The following MANBAL variants were observed in gnomAD, a reference collection of about 807,000 sequenced individuals.
The protein encoded by MANBAL is protein MANBAL.
Under a neutral mutation model 6.4 loss-of-function variants are expected in MANBAL, and 1 was observed. That is an observed-to-expected ratio of 0.16 (90% CI 0.06 to 0.74). The LOEUF (loss-of-function observed/expected upper bound fraction) is 0.74. Ranked by LOEUF, MANBAL falls within the 30% of genes least tolerant of loss-of-function variation. MANBAL has a pLI of 0.78. For missense variants in MANBAL, 100 were observed against 107.8 expected (o/e 0.93, Z 0.32); for synonymous variants, 47 against 45.8 (o/e 1.03, Z -0.10).
At chr20:37,310,272 C>T (rs949257899) in intron 2 of MANBAL, among the ~76,000 whole-genome samples, 16 of 152,248 alleles carry the variant, frequency 1.1e-4, no homozygotes, top group African/African-American at 3.9e-4. Context: ...CTCAAGGCCA[C>T]TGCTAGTTTC....
At chr20:37,307,096 G>A (rs1051682137) in intron 2 of MANBAL, among the ~76,000 whole-genome samples, 2 of 152,016 alleles carry the variant, frequency 1.3e-5, no homozygotes, top group African/African-American at 4.8e-5. Context: ...TCAGTAGCTG[G>A]GACTACAGGT....
intron 2 of MANBAL, among the ~76,000 whole-genome samples, chr20:37,308,354 T>A (rs534827507): frequency 6.6e-6 from 1 of 151,998 alleles, no homozygotes; most frequent in African/African-American, 2.4e-5. Context: ...ACCAGGAGAG[T>A]GTGGCCTCCC....
chr20:37,293,211 C>T (rs988803446), intron 1 of MANBAL, among the ~76,000 whole-genome samples: 1 of 152,116 alleles, frequency 6.6e-6, no homozygotes, highest in Non-Finnish European at 1.5e-5. Flanking sequence ...ATTTCTGTTA[C>T]TATTACATTG....
rs368166811 is a variant in MANBAL at position 37,316,319 on chromosome 20, G to A, written c.162G>A (p.Pro54=). Residue 54 remains proline (P), a synonymous_variant, in exon 3 of 3, where the codon CCG becomes CCA. Coordinates refer to ENST00000373606, the MANE Select transcript of MANBAL (RefSeq NM_001003897.2). ...IPKSHEAEAE[P]SEPRSAEVTR... ...TTATCACCTCACAGGAGGCTGAACC[G>A]TCTGAGCCCAGAAGTGCTGAGGTGA... is the stretch of plus-strand genomic sequence containing the variant. 4.8e-5 allele frequency: 77 copies of A among 1,613,428 alleles called. No individual in the cohort carries two copies. The African/African-American group carries it at 7.5e-4, about 16-fold the overall frequency.
At chr20:37,311,821 G>A (rs1433900434) in intron 2 of MANBAL, among the ~76,000 whole-genome samples, 3 of 152,150 alleles carry the variant, frequency 2.0e-5, no homozygotes, top group Admixed American at 6.5e-5. Flanking sequence ...GACTCTGAAA[G>A]GAACGTAAAG....
intron 1 of MANBAL, among the ~76,000 whole-genome samples, chr20:37,292,749 A>G (rs778786611): frequency 9.2e-5 from 14 of 151,918 alleles, no homozygotes; most frequent in Admixed American, 4.6e-4. Flanking sequence ...ATCCCCCTCT[A>G]TATGTTTTGC....
intron 1 of MANBAL, among the ~76,000 whole-genome samples, chr20:37,294,777 A>G (rs2068955087): frequency 6.6e-6 from 1 of 152,114 alleles, no homozygotes; most frequent in African/African-American, 2.4e-5. Flanking sequence ...TTGCATGTGT[A>G]TGTGTGTATG....
At chr20:37,297,300 A>G (rs549264818) in intron 1 of MANBAL, 1 of 152,308 alleles carries the variant, frequency 6.6e-6, no homozygotes, top group South Asian at 2.1e-4. Context: ...GCTCAGTGCC[A>G]CCTGATTCAC....
chr20:37,300,005 G>T (rs368108778), intron 1 of MANBAL, among the ~76,000 whole-genome samples: 1 of 152,114 alleles, frequency 6.6e-6, no homozygotes, highest in Non-Finnish European at 1.5e-5. Context: ...TGTCATTCAC[G>T]CCATCAGCAG....
intron 1 of MANBAL, among the ~76,000 whole-genome samples, chr20:37,295,424 A>G (rs1400856466): frequency 1.3e-5 from 2 of 152,256 alleles, no homozygotes; most frequent in African/African-American, 4.8e-5. Context: ...GCTTCAGGAT[A>G]TAATACCGGC....
intron 2 of MANBAL, among the ~76,000 whole-genome samples, chr20:37,310,264 C>A (rs2146825800): frequency 6.6e-6 from 1 of 152,368 alleles, no homozygotes; most frequent in South Asian, 2.1e-4. Flanking sequence ...TATCTTTCCT[C>A]AAGGCCACTG....
At chr20:37,293,717 A>G (rs922347523) in intron 1 of MANBAL, among the ~76,000 whole-genome samples, 12 of 152,118 alleles carry the variant, frequency 7.9e-5, no homozygotes, top group Non-Finnish European at 1.6e-4. Flanking sequence ...GCATACATGT[A>G]TGGTGGTTTT....
intron 2 of MANBAL, among the ~76,000 whole-genome samples, chr20:37,308,200 G>C (rs1403865826): frequency 6.6e-6 from 1 of 152,146 alleles, no homozygotes; most frequent in Non-Finnish European, 1.5e-5. Context: ...GCTGTGGCCA[G>C]TGGAGGGGAG....
rs542459955 is a variant in MANBAL, at chr20:37,305,757, G to A, written c.150+4344G>A. 1.1e-4 allele frequency among the ~76,000 whole-genome samples: 16 copies of A among 150,186 alleles called. 1 individual carries two copies. The highest frequency in any genetic ancestry group is 3.9e-4 in the African/African-American group (16 of 40,706). ...ACTGTTGATCTAACTTTTTACTGGC[G>A]CATCAGGGGAGCAAATGGCCCCAGG... On this transcript the variant is annotated intron_variant, in intron 2 of 2. Transcript: ENST00000373606.
At chr20:37,294,597 C>G (rs372043631) in intron 1 of MANBAL, among the ~76,000 whole-genome samples, 123 of 152,228 alleles carry the variant, frequency 8.1e-4, no homozygotes, top group Non-Finnish European at 1.5e-3. Flanking sequence ...CCTTGCCGTC[C>G]CTCCATCCTG....
chr20:37,292,897 C>T (rs950970405), intron 1 of MANBAL, among the ~76,000 whole-genome samples: 1 of 152,220 alleles, frequency 6.6e-6, no homozygotes, highest in African/African-American at 2.4e-5. Flanking sequence ...AAGATCTGGG[C>T]TCTAGGTATG....
intron 1 of MANBAL, among the ~76,000 whole-genome samples, chr20:37,298,277 G>T (rs2074332814): frequency 6.6e-6 from 1 of 152,176 alleles, no homozygotes; most frequent in Non-Finnish European, 1.5e-5. Context: ...TTTAACCATT[G>T]TTAAGTTTAC....
At chr20:37,300,603 AAAC>A (rs1280688355) in intron 1 of MANBAL, among the ~76,000 whole-genome samples, 1 of 152,256 alleles carries the variant, frequency 6.6e-6, no homozygotes, top group Admixed American at 6.5e-5. Context: ...ATGAATAAAT[AAAC>A]AACAAAACCT....
rs2069528006 is a variant in MANBAL, at chr20:37,316,639, C to T, written c.*224C>T. On this transcript the variant is annotated 3_prime_UTR_variant, in exon 3 of 3. Transcript: ENST00000373606. ...CTGTGACGGTTTAGAGTCAAGGGGGCTGAAACACACTGTGAGCATAGACTG... is the reference window on the plus strand; with the variant it reads ...CTGTGACGGTTTAGAGTCAAGGGGGTTGAAACACACTGTGAGCATAGACTG... 2.3e-6 allele frequency: 1 copy of T among 431,314 alleles called. No homozygotes were observed. The highest frequency in any genetic ancestry group is 4.3e-6 in the Non-Finnish European group (1 of 233,434). 26.7% of individuals were successfully genotyped at this position (431,314 alleles called of 1,614,324 possible).
Sources: gnomAD v4.1 joint callset for allele counts (sites outside exome capture counted in the v4.1 genomes callset) on GRCh38, gnomAD v4.1.1 for gene constraint, MANE v1.5 for transcripts, NCBI Gene and HGNC (gene_info 2026-07-23, HGNC 2026-07-21) for gene names.